The following AGBL4 variants were observed in gnomAD, a reference collection of about 807,000 sequenced individuals.
AGBL4 encodes the protein cytosolic carboxypeptidase 6.
Under a neutral mutation model 66.4 loss-of-function variants are expected in AGBL4, and 58 were observed. The ratio of observed to expected loss-of-function variants is 0.87; its 90% CI spans 0.71 to 1.09. The LOEUF is 1.09. Ranked by LOEUF, AGBL4 falls within the 50% of genes least tolerant of loss-of-function variation. The pLI, the probability that AGBL4 is intolerant of heterozygous loss-of-function variation, is 0.00. For synonymous variants in AGBL4, 234 were observed against 222.9 expected (o/e 1.05, Z -0.44); for missense variants, 579 against 631.0 (o/e 0.92, Z 0.88).
Position 48,581,025 on chromosome 1 carries a change from C to T in AGBL4, c.1267+5979G>A, listed in dbSNP as rs541086795. On this transcript the variant is annotated intron_variant, in intron 11 of 13. Coordinates refer to ENST00000371839, the MANE Select transcript of AGBL4 (RefSeq NM_032785.4). ...ACCACCCCAGCTGGTTTAGGTGACT[C>T]CCACTGCTTCCCCAACCAGCAGAGT... 3.9e-5 allele frequency among the ~76,000 whole-genome samples: 6 copies of T among 152,322 alleles called. No homozygotes were observed. In the East Asian group the frequency reaches 9.6e-4, roughly 24 times the overall value.
At chr1:49,964,833 A>T (rs1299014071) in intron 1 of AGBL4, among the ~76,000 whole-genome samples, 1 of 152,296 alleles carries the variant, frequency 6.6e-6, no homozygotes, top group East Asian at 1.9e-4. Flanking sequence ...GGTTAAGATG[A>T]CTTAACTCTA....
chr1:48,735,841 C>T lies in AGBL4; in HGVS notation c.635-72600G>A, dbSNP rs537714535. Among the ~76,000 whole-genome samples the T allele has an allele frequency of 2.8e-3, 432 of 152,194 alleles. 3 individuals are homozygous for T. Among genetic ancestry groups the T allele is most frequent in the African/African-American group, 9.9e-3 (409 of 41,506 alleles). ...CATGCCTTTGTTCAAGATGCTTCTG[C>T]CTCCAGAAGAGCAATACCTCACCAT... On this transcript the variant is annotated intron_variant, in intron 6 of 13. Coordinates refer to ENST00000371839, the MANE Select transcript of AGBL4 (RefSeq NM_032785.4).
chr1:49,182,735 A>G (rs1228014749), intron 4 of AGBL4, among the ~76,000 whole-genome samples: 1 of 151,792 alleles, frequency 6.6e-6, no homozygotes, highest in Non-Finnish European at 1.5e-5. Context: ...AAAAGAGGAG[A>G]TCATTATTAT....
chr1:49,777,785 G>C (rs1045967592), intron 2 of AGBL4, among the ~76,000 whole-genome samples: 12 of 152,150 alleles, frequency 7.9e-5, no homozygotes, highest in African/African-American at 2.7e-4. Context: ...GTGGATATTA[G>C]TAGACACTCT....
intron 2 of AGBL4, among the ~76,000 whole-genome samples, chr1:49,700,020 A>T (rs1210983125): frequency 6.6e-6 from 1 of 151,672 alleles, no homozygotes; most frequent in Non-Finnish European, 1.5e-5. Flanking sequence ...TATATATATA[A>T]AATAAAATAA....
At chr1:48,862,009 C>A (rs917049755) in intron 6 of AGBL4, among the ~76,000 whole-genome samples, 2 of 152,206 alleles carry the variant, frequency 1.3e-5, no homozygotes, top group African/African-American at 4.8e-5. Flanking sequence ...CTTCACCAGA[C>A]ACTCTTTACA....
chr1:48,924,279 TATAAATAAATAAATAAATAA>T (rs56391090), intron 5 of AGBL4, among the ~76,000 whole-genome samples: 2 of 148,598 alleles, frequency 1.3e-5, no homozygotes, highest in Non-Finnish European at 3.0e-5. Context: ...GAATCTAAAA[TATAAATAAATAAATAAATAA>T]ATAAATAAAT....
At chr1:49,934,950 T>A (rs1206071480) in intron 1 of AGBL4, among the ~76,000 whole-genome samples, 5 of 152,262 alleles carry the variant, frequency 3.3e-5, no homozygotes, top group Admixed American at 3.3e-4. Flanking sequence ...GGCACCGGGT[T>A]CATCTCACTA....
At chr1:49,410,399 C>A (rs1209713385) in intron 3 of AGBL4, among the ~76,000 whole-genome samples, 1 of 152,156 alleles carries the variant, frequency 6.6e-6, no homozygotes, top group African/African-American at 2.4e-5. Flanking sequence ...GTTCTGGAAT[C>A]CCTCTAACCT....
chr1:48,933,003 T>C (rs1317174069), intron 5 of AGBL4, among the ~76,000 whole-genome samples: 1 of 152,170 alleles, frequency 6.6e-6, no homozygotes, highest in Non-Finnish European at 1.5e-5. Context: ...ACTATTTTTT[T>C]CCTTTTACCT....
downstream of AGBL4, among the ~76,000 whole-genome samples, chr1:48,532,519 G>A (rs556820900): frequency 1.3e-5 from 2 of 152,256 alleles, no homozygotes; most frequent in East Asian, 3.9e-4. Context: ...ATCACATTAT[G>A]GAAGTGACCT....
intron 8 of AGBL4, among the ~76,000 whole-genome samples, chr1:48,639,041 C>A (rs533270835): frequency 6.6e-6 from 1 of 152,268 alleles, no homozygotes; most frequent in South Asian, 2.1e-4. Context: ...ATGCTGCTTC[C>A]AGGAAACCTC....
At chr1:49,665,671 A>G (rs931589122) in intron 3 of AGBL4, among the ~76,000 whole-genome samples, 3 of 152,120 alleles carry the variant, frequency 2.0e-5, no homozygotes, top group Non-Finnish European at 4.4e-5. Flanking sequence ...CCATCAAACC[A>G]TGAATTTTGT....
chr1:49,746,873 T>C (rs1455791270), intron 2 of AGBL4, among the ~76,000 whole-genome samples: 2 of 152,100 alleles, frequency 1.3e-5, no homozygotes, highest in African/African-American at 4.8e-5. Flanking sequence ...TTGTGTAATA[T>C]ATTGATGATA....
intron 3 of AGBL4, among the ~76,000 whole-genome samples, chr1:49,605,374 T>C (rs1349085515): frequency 1.3e-5 from 2 of 152,130 alleles, no homozygotes; most frequent in Non-Finnish European, 2.9e-5. Flanking sequence ...TGTGACAGTT[T>C]CCTAAATTGC....
In AGBL4 at chr1:48,671,307, C is replaced by T. The variant is rs192287285; in HGVS notation, c.635-8066G>A. Among the ~76,000 whole-genome samples the T allele has an allele frequency of 2.9e-4, 44 of 152,360 alleles. 1 individual carries two copies. The East Asian group carries it at 8.1e-3, about 28-fold the overall frequency. On this transcript the variant is annotated intron_variant, in intron 6 of 13. Coordinates refer to ENST00000371839, the MANE Select transcript of AGBL4 (RefSeq NM_032785.4). ...TTCTGTTAAATTCAGTTCATATTTT[C>T]TTACACTGACCACATGCCAAACTTT...
chr1:49,426,534 G>C (rs1313556929), intron 3 of AGBL4, among the ~76,000 whole-genome samples: 2 of 151,188 alleles, frequency 1.3e-5, no homozygotes, highest in East Asian at 1.9e-4. Context: ...AATAGCTTCT[G>C]CCTATTTAAT....
At chr1:48,570,281 C>T (rs1475579244) in intron 11 of AGBL4, among the ~76,000 whole-genome samples, 2 of 152,204 alleles carry the variant, frequency 1.3e-5, no homozygotes, top group South Asian at 2.1e-4. Context: ...CAGAAGAAAA[C>T]CAAAGCAGAG....
At chr1:49,678,695 T>C (rs376316577) in intron 3 of AGBL4, among the ~76,000 whole-genome samples, 18 of 152,272 alleles carry the variant, frequency 1.2e-4, no homozygotes, top group South Asian at 6.2e-4. Flanking sequence ...TTAAATTTCA[T>C]TGGGACTAAC....
Sources: allele counts gnomAD v4.1 joint callset (sites outside exome capture counted in the v4.1 genomes callset), GRCh38; gene constraint gnomAD v4.1.1; transcripts MANE v1.5; gene names NCBI Gene and HGNC (gene_info 2026-07-23, HGNC 2026-07-21).